Variants in BDNF observed in about 807,000 individuals in gnomAD.
BDNF encodes the protein brain derived neurotrophic factor.
Under a neutral mutation model 19.5 loss-of-function variants are expected in BDNF, and 1 was observed. That is an observed-to-expected ratio of 0.05 (90% confidence interval 0.02 to 0.24). The LOEUF is 0.24. BDNF is among the 10% of genes least tolerant of loss of function. The probability of loss-of-function intolerance (pLI) is 1.00; values close to 1 mark genes in which losing one functional copy is unlikely to be tolerated. For missense variants in BDNF, 195 were observed against 317.6 expected, an observed-to-expected ratio of 0.61 and a Z score of 2.93; for synonymous variants, 100 against 121.6, an observed-to-expected ratio of 0.82 and a Z score of 1.17.
chr11:27,660,748 G>T (rs1422575166), intron 1 of BDNF, among the ~76,000 whole-genome samples: 1 of 150,070 alleles, frequency 6.7e-6, no homozygotes, highest in Non-Finnish European at 1.5e-5. Context: ...TGCAGCCTGG[G>T]TGACCAGAGT....
chr11:27,657,137 C>T lies in BDNF; in HGVS notation c.*684G>A. The T allele has an allele frequency of 1.0e-6, 1 of 982,794 alleles. No individual in the cohort carries two copies. Among genetic ancestry groups the T allele is most frequent in the Non-Finnish European group, 1.2e-6 (1 of 827,358 alleles). 60.9% of individuals were successfully genotyped at this position (982,794 alleles called of 1,614,324 possible). A position where few individuals can be genotyped will look rare whatever the true frequency, so the allele number is the denominator to read the frequency against. On this transcript the variant is annotated 3_prime_UTR_variant, in exon 2 of 2. Transcript: ENST00000356660. This position sits in a 1 kb window ranked among gnomAD's most constrained non-coding sequence, Gnocchi z 5.0. ...CTTTCTAGTCATCTGATCGATATTGCAAACATCTTCACAACATACAAATGT... is the reference window on the plus strand; with the variant it reads ...CTTTCTAGTCATCTGATCGATATTGTAAACATCTTCACAACATACAAATGT...
At chr11:27,674,812 A>C (rs749832004) in intron 1 of BDNF, 71 of 946,832 alleles carry the variant, frequency 7.5e-5, no homozygotes, top group Non-Finnish European at 8.7e-5. Context: ...CCATTTTTAC[A>C]TAGTTGCTAT....
intron 1 of BDNF, among the ~76,000 whole-genome samples, chr11:27,668,805 T>C (rs903055714): frequency 6.6e-6 from 1 of 152,188 alleles, no homozygotes; most frequent in Admixed American, 6.5e-5. Flanking sequence ...CAGGACCAGA[T>C]GGATTCACAG....
intron 1 of BDNF, among the ~76,000 whole-genome samples, chr11:27,695,484 G>A (rs891562436): frequency 1.3e-5 from 2 of 152,086 alleles, no homozygotes; most frequent in African/African-American, 4.8e-5. Context: ...ACAGAGGGTC[G>A]TCATAAAGTT....
At chr11:27,696,711 T>G (rs1859040164) in intron 1 of BDNF, among the ~76,000 whole-genome samples, 2 of 152,174 alleles carry the variant, frequency 1.3e-5, no homozygotes, top group Admixed American at 6.5e-5. Flanking sequence ...TGAGACAAGT[T>G]AGCAATTACC....
intron 1 of BDNF, among the ~76,000 whole-genome samples, chr11:27,685,376 G>GT (rs1205592787): frequency 6.6e-6 from 1 of 152,122 alleles, no homozygotes; most frequent in Non-Finnish European, 1.5e-5. Context: ...TTTTTGAAGG[G>GT]TTTTTTGTGT....
chr11:27,666,793 T>C (rs1274393474), intron 1 of BDNF, among the ~76,000 whole-genome samples: 2 of 152,174 alleles, frequency 1.3e-5, no homozygotes, highest in African/African-American at 2.4e-5. Flanking sequence ...CTACATCTGA[T>C]TGGTGTACCT....
chr11:27,677,819 G>T (rs1277019834), intron 1 of BDNF: 2 of 152,084 alleles, frequency 1.3e-5, no homozygotes, highest in African/African-American at 4.8e-5. Context: ...TTAATCTAGT[G>T]GCTTTACTTT....
rs1469534092 is a variant in BDNF, at chr11:27,659,627, CTCTG to C, written c.-21-1046_-21-1043del. The stretch of plus-strand genomic sequence containing the variant: ...CTTTTCTTTTTACTAGAGATGTTCT[CTCTG>C]TGTGTGTGTGTGTGTGTGCGCGCGC... On this transcript the variant is annotated intron_variant, in intron 1 of 1. Transcript: ENST00000356660. 2.3e-5 allele frequency: 21 copies of C among 917,166 alleles called. No homozygotes were observed. In the East Asian group the frequency reaches 9.3e-4, roughly 41 times the overall value. The allele number at this position is 917,166 out of a possible 1,614,324, so 56.8% of individuals were successfully genotyped here.
intron 1 of BDNF, among the ~76,000 whole-genome samples, chr11:27,690,047 CT>C (rs147208393): frequency 0.058 from 8,768 of 152,212 alleles, 382 homozygotes; most frequent in South Asian, 0.24. Context: ...GAAAAATAAT[CT>C]GGTATTTTAG....
chr11:27,663,745 G>C (rs898602335), intron 1 of BDNF, among the ~76,000 whole-genome samples: 19 of 152,188 alleles, frequency 1.2e-4, no homozygotes, highest in South Asian at 4.1e-4. Context: ...ACAGAGAAGA[G>C]AGTGGCTGTG....
At chr11:27,701,221 A>G, upstream of BDNF, 1 of 1,187,720 alleles carries the variant, frequency 8.4e-7, no homozygotes. Flanking sequence ...AGGCAATGAC[A>G]GACCTCGCTA....
chr11:27,657,750 AC>A lies in BDNF; in HGVS notation c.*70del. 12 of 1,585,062 alleles carry A rather than the reference AC, an allele frequency of 7.6e-6. No homozygotes were observed. The highest frequency in any genetic ancestry group is 1.0e-5 in the Non-Finnish European group (12 of 1,165,066). The stretch of plus-strand genomic sequence containing the variant: ...TATTTTTTTCTTAACTGAATAATTT[AC>A]CCTGTTATGTATATATACAAATAGA... On this transcript the variant is annotated 3_prime_UTR_variant, in exon 2 of 2. Transcript: ENST00000356660. This position sits in a 1 kb window ranked among gnomAD's most constrained non-coding sequence, Gnocchi z 5.0.
intron 1 of BDNF, chr11:27,677,024 A>G (rs1856217621): frequency 6.6e-6 from 1 of 152,246 alleles, no homozygotes; most frequent in Admixed American, 6.5e-5. Context: ...CGTGTGTGTC[A>G]CTAGAGCTGG....
At chr11:27,701,380 A>AT (rs1162675737), upstream of BDNF, 5 of 1,040,420 alleles carry the variant, frequency 4.8e-6, no homozygotes, top group East Asian at 8.3e-5. Flanking sequence ...ACACTCTATT[A>AT]TTTTTTCACG....
At chr11:27,681,576 A>G (rs1216503208) in intron 1 of BDNF, among the ~76,000 whole-genome samples, 1 of 152,184 alleles carries the variant, frequency 6.6e-6, no homozygotes, top group African/African-American at 2.4e-5. Context: ...CAGATGAATA[A>G]ACAGCAGAAA....
chr11:27,680,366 G>C (rs1238874224), intron 1 of BDNF, among the ~76,000 whole-genome samples: 1 of 152,192 alleles, frequency 6.6e-6, no homozygotes, highest in African/African-American at 2.4e-5. Flanking sequence ...TAGATCAAAA[G>C]ATTATATGAT....
intron 1 of BDNF, among the ~76,000 whole-genome samples, chr11:27,670,014 C>T (rs550708638): frequency 5.3e-5 from 8 of 152,280 alleles, no homozygotes; most frequent in South Asian, 2.1e-4. Flanking sequence ...AACTATATTA[C>T]AAGGCTACAG....
At position 27,700,293 on chromosome 11, in the gene BDNF, T is replaced by C; in HGVS notation, c.-151A>G. 1 of 984,260 alleles carries C rather than the reference T, an allele frequency of 1.0e-6. No homozygotes were observed. The highest frequency in any genetic ancestry group is 1.2e-6 in the Non-Finnish European group (1 of 829,686). 61.0% of individuals were successfully genotyped at this position (984,260 alleles called of 1,614,324 possible). ...CCGCCGGCCCCACAGCAGCGGTGGG[T>C]GTCTCATTAAAGCCCCCCGAGCAGG... On this transcript the variant is annotated 5_prime_UTR_variant, in exon 1 of 2. Transcript: ENST00000356660.
Sources: gnomAD v4.1 joint callset for allele counts (sites outside exome capture counted in the v4.1 genomes callset) on GRCh38, gnomAD v4.1.1 for gene constraint, Gnocchi (gnomAD v3.1) non-coding constraint, MANE v1.5 for transcripts, NCBI Gene and HGNC (gene_info 2026-07-23, HGNC 2026-07-21) for gene names.